The following PREP variants were observed in gnomAD, a reference collection of about 807,000 sequenced individuals.
PREP encodes prolyl endopeptidase, also known as dJ355L5.1 (prolyl endopeptidase).
Under a neutral mutation model 87.6 loss-of-function variants are expected in PREP, and 29 were observed. The observed-to-expected ratio is 0.33, with a 90% CI of 0.25 to 0.45. The LOEUF (loss-of-function observed/expected upper bound fraction) is 0.45, where lower values mean the gene tolerates loss of function less well. Among genes scored for constraint, PREP ranks in the 20% least tolerant of loss-of-function variants. PREP has a pLI of 1.00. For synonymous variants in PREP, 337 were observed against 328.6 expected (o/e 1.03, Z -0.28); for missense variants, 695 against 886.5 (o/e 0.78, Z 2.74).
chr6:105,380,343 A>G (rs1772804689), intron 2 of PREP, among the ~76,000 whole-genome samples: 1 of 152,202 alleles, frequency 6.6e-6, no homozygotes, highest in South Asian at 2.1e-4. Flanking sequence ...AGCTGAGGCC[A>G]GACGACCAGA....
chr6:105,389,218 C>G (rs1262885159), intron 2 of PREP, among the ~76,000 whole-genome samples: 1 of 152,226 alleles, frequency 6.6e-6, no homozygotes, highest in Non-Finnish European at 1.5e-5. Flanking sequence ...TGGATTTTTA[C>G]ATACATTTTC....
chr6:105,297,224 T>A (rs888738885), intron 10 of PREP, among the ~76,000 whole-genome samples: 3 of 152,198 alleles, frequency 2.0e-5, no homozygotes, highest in South Asian at 2.1e-4. Flanking sequence ...CAAGCAAGTG[T>A]CTTCTCTGTC....
intron 12 of PREP, among the ~76,000 whole-genome samples, chr6:105,283,552 C>T (rs1178296079): frequency 2.0e-5 from 3 of 152,092 alleles, no homozygotes; most frequent in African/African-American, 7.2e-5. Context: ...AAGAAATTAC[C>T]AGTGAATTTA....
intron 10 of PREP, among the ~76,000 whole-genome samples, chr6:105,312,520 T>A (rs566218757): frequency 7.7e-4 from 118 of 152,318 alleles, no homozygotes; most frequent in African/African-American, 2.7e-3. Flanking sequence ...CAGAACTAAC[T>A]ACCTCAGAGT....
chr6:105,396,408 GAAGA>G (rs1773285721), intron 2 of PREP, among the ~76,000 whole-genome samples: 1 of 152,294 alleles, frequency 6.6e-6, no homozygotes, highest in Admixed American at 6.5e-5. Flanking sequence ...ACTAAAGGAA[GAAGA>G]AAGAGATGAT....
At chr6:105,354,175 C>T (rs1219180586) in intron 6 of PREP, among the ~76,000 whole-genome samples, 3 of 152,112 alleles carry the variant, frequency 2.0e-5, no homozygotes, top group African/African-American at 7.2e-5. Context: ...AAATATACCA[C>T]CATTAGTTGA....
intron 14 of PREP, among the ~76,000 whole-genome samples, chr6:105,279,542 C>T (rs944381633): frequency 5.3e-5 from 8 of 152,200 alleles, no homozygotes; most frequent in South Asian, 4.1e-4. Flanking sequence ...CTTTATTTAT[C>T]GCCCAGCCAT....
intron 6 of PREP, among the ~76,000 whole-genome samples, chr6:105,366,110 C>T (rs1772375047): frequency 6.6e-6 from 1 of 152,008 alleles, no homozygotes; most frequent in African/African-American, 2.4e-5. Context: ...CAAAAATTAT[C>T]CCGGCGTGGT....
At chr6:105,332,265 A>G (rs946121824) in intron 8 of PREP, among the ~76,000 whole-genome samples, 6 of 152,118 alleles carry the variant, frequency 3.9e-5, no homozygotes, top group Non-Finnish European at 8.8e-5. Flanking sequence ...TGTGACCCCG[A>G]GAGAAGCAGC....
At chr6:105,280,880 T>A (rs558076986) in intron 14 of PREP, 1 of 152,418 alleles carries the variant, frequency 6.6e-6, no homozygotes, top group African/African-American at 2.4e-5. Flanking sequence ...CCCCTTCCCC[T>A]ACTCTTGACC....
At position 105,275,319 on chromosome 6, in the gene PREP, G is replaced by A. The variant is rs1264149853; in HGVS notation, c.*2825C>T. ...ATCCTTTTCAAACTTGTAGCACCAT[G>A]TGTGTGTAGCTGCTTAAGCTTTAGT... On this transcript the variant is annotated 3_prime_UTR_variant, in exon 15 of 15. Transcript: ENST00000652536. Among the ~76,000 whole-genome samples the A allele has an allele frequency of 6.6e-6, 1 of 152,220 alleles. No individual in the cohort carries two copies.
intron 12 of PREP, 76 bp downstream of exon 12, chr6:105,285,410 A>C: frequency 6.8e-7 from 1 of 1,463,062 alleles, no homozygotes; most frequent in South Asian, 1.2e-5. Flanking sequence ...CCTTCAGCTC[A>C]TTCAAACAGG....
At chr6:105,282,979 T>C (rs1770114535) in intron 12 of PREP, among the ~76,000 whole-genome samples, 1 of 152,216 alleles carries the variant, frequency 6.6e-6, no homozygotes, top group Non-Finnish European at 1.5e-5. Flanking sequence ...TCCTCTAGGT[T>C]GCACCCAGCA....
chr6:105,291,927 AT>A (rs1469856292), intron 10 of PREP, among the ~76,000 whole-genome samples: 2 of 152,148 alleles, frequency 1.3e-5, no homozygotes, highest in African/African-American at 4.8e-5. Context: ...AAACCACTTT[AT>A]TTGCTCACTC....
At chr6:105,291,456 T>C (rs1474127505) in intron 10 of PREP, among the ~76,000 whole-genome samples, 1 of 152,192 alleles carries the variant, frequency 6.6e-6, no homozygotes, top group Non-Finnish European at 1.5e-5. Flanking sequence ...GTCAGTGGGC[T>C]GGGGAAGACA....
chr6:105,360,561 T>C (rs1772219847), intron 6 of PREP, among the ~76,000 whole-genome samples: 1 of 152,240 alleles, frequency 6.6e-6, no homozygotes, highest in Non-Finnish European at 1.5e-5. Flanking sequence ...ACTGTGGTTC[T>C]AGGCTACACT....
At chr6:105,302,804 C>G in intron 10 of PREP, 1 of 443,250 alleles carries the variant, frequency 2.3e-6, no homozygotes. Flanking sequence ...GTGAAGGTCC[C>G]GAGACTTGAT....
chr6:105,291,988 G>A (rs1179713000), intron 10 of PREP, among the ~76,000 whole-genome samples: 1 of 152,158 alleles, frequency 6.6e-6, no homozygotes, highest in Non-Finnish European at 1.5e-5. Flanking sequence ...GATTTCAGCA[G>A]TTCAATCACA....
intron 12 of PREP, 26 bp from the exon 13 acceptor site, chr6:105,282,608 GTTAA>G (rs1770107810): frequency 6.2e-7 from 1 of 1,602,320 alleles, no homozygotes; most frequent in African/African-American, 1.3e-5. Flanking sequence ...GTGGAAGATA[GTTAA>G]TTAACAAAAC....
Sources: allele counts gnomAD v4.1 joint callset (sites outside exome capture counted in the v4.1 genomes callset), GRCh38; gene constraint gnomAD v4.1.1; transcripts MANE v1.5; gene names NCBI Gene and HGNC (gene_info 2026-07-23, HGNC 2026-07-21).